RPGRIP1L: variants seen among roughly 807,000 people sequenced by gnomAD.
The protein encoded by RPGRIP1L is protein fantom.
RPGRIP1L carries 131 observed loss-of-function variants against 160.4 expected under a neutral mutation model. That is an observed-to-expected ratio of 0.82 (90% CI 0.71 to 0.94). RPGRIP1L has a LOEUF of 0.94. Ranked by LOEUF, RPGRIP1L falls within the 40% of genes least tolerant of loss-of-function variation. The pLI, the probability that RPGRIP1L is intolerant of heterozygous loss-of-function variation, is 0.00. For missense variants in RPGRIP1L, 1,522 were observed against 1,535.8 expected, an observed-to-expected ratio of 0.99 and a Z score of 0.15; for synonymous variants, 510 against 515.8, an observed-to-expected ratio of 0.99 and a Z score of 0.15.
chr16:53,668,878 T>TA (rs1393258023), intron 9 of RPGRIP1L, among the ~76,000 whole-genome samples: 1 of 152,206 alleles, frequency 6.6e-6, no homozygotes, highest in Non-Finnish European at 1.5e-5. Flanking sequence ...AAAATGCTCA[T>TA]ACTAAAAAGT....
At chr16:53,697,053 G>A (rs1426614048) in intron 2 of RPGRIP1L, among the ~76,000 whole-genome samples, 1 of 152,100 alleles carries the variant, frequency 6.6e-6, no homozygotes, top group African/African-American at 2.4e-5. Flanking sequence ...ACTTAGCTGG[G>A]CATGGTGGCG....
At position 53,641,047 on chromosome 16, in the gene RPGRIP1L, G is replaced by T; in HGVS notation, c.2944C>A (p.Pro982Thr). 4 of 1,611,254 alleles carry T rather than the reference G, an allele frequency of 2.5e-6. No individual in the cohort carries two copies. The highest frequency in any genetic ancestry group is 3.4e-6 in the Non-Finnish European group (4 of 1,177,582). Reference protein sequence around the residue: ...DKKVSFVDIMPHQSDETSPPP... With the variant: ...DKKVSFVDIMTHQSDETSPPP... ...CTACTACTTACATCACTCTGATGTGGCATGATATCCACGAAAGATACCTTC... is the reference window on the plus strand; with the variant it reads ...CTACTACTTACATCACTCTGATGTGTCATGATATCCACGAAAGATACCTTC... Residue 982 changes from proline (P) to threonine (T), a missense_variant, in exon 19 of 27, where the codon CCA becomes ACA. By Grantham distance (38) the Pro-to-Thr change is conservative (BLOSUM62 -1). Coordinates refer to ENST00000647211, the MANE Select transcript of RPGRIP1L (RefSeq NM_015272.5).
chr16:53,703,637 G>C (rs1006405763), intron 1 of RPGRIP1L, 166 bp downstream of exon 1: 1 of 197,148 alleles, frequency 5.1e-6, no homozygotes, highest in African/African-American at 2.3e-5. Context: ...TGAGGATGTG[G>C]AGGTGTCTTG....
chr16:53,689,850 C>T (rs1383835454), intron 4 of RPGRIP1L, among the ~76,000 whole-genome samples: 1 of 152,154 alleles, frequency 6.6e-6, no homozygotes, highest in Admixed American at 6.5e-5. Flanking sequence ...GAACTCTATC[C>T]TGAACAGTGA....
chr16:53,702,555 G>C (rs1971523444), intron 1 of RPGRIP1L, among the ~76,000 whole-genome samples: 1 of 152,070 alleles, frequency 6.6e-6, no homozygotes, highest in South Asian at 2.1e-4. Context: ...CCCTTGTCTT[G>C]CTCAAGGCCT....
At chr16:53,646,155 G>T (rs1966532507) in intron 16 of RPGRIP1L, 152 bp from the exon 17 acceptor site, 1 of 713,248 alleles carries the variant, frequency 1.4e-6, no homozygotes. Context: ...TATTCTAATG[G>T]AAAATCAATA....
chr16:53,658,334 A>T (rs1423616544), intron 12 of RPGRIP1L, 80 bp downstream of exon 12: 1 of 993,054 alleles, frequency 1.0e-6, no homozygotes, highest in African/African-American at 1.6e-5. Flanking sequence ...TCCAAATGTA[A>T]GGGTTACAGA....
At chr16:53,679,657 T>C in intron 6 of RPGRIP1L, among the ~76,000 whole-genome samples, 1 of 152,200 alleles carries the variant, frequency 6.6e-6, no homozygotes, top group East Asian at 1.9e-4. Flanking sequence ...CTAATGGTTT[T>C]GTGTTGTTTT....
At chr16:53,692,684 G>A (rs892095115) in intron 3 of RPGRIP1L, among the ~76,000 whole-genome samples, 3 of 152,208 alleles carry the variant, frequency 2.0e-5, no homozygotes, top group Non-Finnish European at 2.9e-5. Context: ...AATGCTGTAC[G>A]CACTTAAGTG....
At chr16:53,658,219 T>G (rs546785154) in intron 12 of RPGRIP1L, among the ~76,000 whole-genome samples, 195 bp downstream of exon 12, 1 of 152,286 alleles carries the variant, frequency 6.6e-6, no homozygotes, top group South Asian at 2.1e-4. Flanking sequence ...ATGCTATAAC[T>G]AAATGTCACC....
intron 21 of RPGRIP1L, among the ~76,000 whole-genome samples, chr16:53,636,941 G>GACACACAC (rs34373919): frequency 2.8e-4 from 40 of 142,224 alleles, no homozygotes; most frequent in Admixed American, 1.1e-3. Flanking sequence ...TGCAATATTT[G>GACACACAC]ACACACACAC....
intron 13 of RPGRIP1L, 27 bp from the exon 14 acceptor site, chr16:53,656,616 A>T: frequency 7.1e-7 from 1 of 1,416,110 alleles, no homozygotes; most frequent in Non-Finnish European, 1.0e-6. Flanking sequence ...AATAAGTTTT[A>T]ATACTTATGA....
In RPGRIP1L at chr16:53,656,547, G is replaced by T; in HGVS notation, c.1624C>A (p.Gln542Lys). 1 of 1,613,944 alleles carries T rather than the reference G, an allele frequency of 6.2e-7. No individual in the cohort carries two copies. The highest frequency in any genetic ancestry group is 8.5e-7 in the Non-Finnish European group (1 of 1,179,918). Residue 542 changes from glutamine to lysine, a missense_variant, in exon 14 of 27, where the codon CAA becomes AAA. Gln to Lys is a moderately conservative substitution (Grantham distance 53, BLOSUM62 1). Transcript: ENST00000647211. Reference sequence around the variant, plus strand: ...TGTTCCACTTTGAGTTCATAATCTTGCTGCAAATTTTCCATCTTACGGGTC... The same window carrying T: ...TGTTCCACTTTGAGTTCATAATCTTTCTGCAAATTTTCCATCTTACGGGTC... ...AVTRKMENLQ[Q>K]DYELKVEQYV...
At chr16:53,615,691 C>T (rs576715835) in intron 24 of RPGRIP1L, among the ~76,000 whole-genome samples, 2 of 151,864 alleles carry the variant, frequency 1.3e-5, no homozygotes, top group South Asian at 4.2e-4. Flanking sequence ...TCAGGCTGGT[C>T]TCAAACTCAT....
intron 22 of RPGRIP1L, among the ~76,000 whole-genome samples, chr16:53,629,305 A>G (rs1226047363): frequency 6.6e-6 from 1 of 152,100 alleles, no homozygotes. Context: ...ACTTTTTTCT[A>G]AAGCTATGGT....
chr16:53,644,544 CTGT>C (rs1966428262), intron 17 of RPGRIP1L, among the ~76,000 whole-genome samples: 1 of 152,150 alleles, frequency 6.6e-6, no homozygotes, highest in East Asian at 1.9e-4. Flanking sequence ...ATCAGTAGAA[CTGT>C]TGAAAGCCAA....
intron 17 of RPGRIP1L, among the ~76,000 whole-genome samples, chr16:53,644,119 A>G (rs1039628919): frequency 6.6e-6 from 1 of 152,158 alleles, no homozygotes; most frequent in Non-Finnish European, 1.5e-5. Context: ...ACTTGAGCCT[A>G]GGAGTTGAAG....
chr16:53,601,251 A>G lies in RPGRIP1L; in HGVS notation c.*825T>C, dbSNP rs1460488871. The G allele has an allele frequency of 6.6e-6, 1 of 152,542 alleles. No homozygotes were observed. Among genetic ancestry groups the G allele is most frequent in the Non-Finnish European group, 1.5e-5 (1 of 68,042 alleles). The allele number at this position is 152,542 out of a possible 1,614,324, so 9.4% of individuals were successfully genotyped here. On this transcript the variant is annotated 3_prime_UTR_variant, in exon 27 of 27. Transcript: ENST00000647211. Reference sequence around the variant, plus strand: ...ATACTCCTTTCACGTCTAACTAAGCATATCAGAATTTGAGTTATACTTTTC... The same window carrying G: ...ATACTCCTTTCACGTCTAACTAAGCGTATCAGAATTTGAGTTATACTTTTC...
intron 2 of RPGRIP1L, among the ~76,000 whole-genome samples, chr16:53,698,245 G>A (rs1290354911): frequency 6.7e-6 from 1 of 150,338 alleles, no homozygotes; most frequent in Non-Finnish European, 1.5e-5. Flanking sequence ...TCTCCGCCCG[G>A]CAGCCGACCC....
Sources: gnomAD v4.1 joint callset for allele counts (sites outside exome capture counted in the v4.1 genomes callset) on GRCh38, gnomAD v4.1.1 for gene constraint, MANE v1.5 for transcripts, NCBI Gene and HGNC (gene_info 2026-07-23, HGNC 2026-07-21) for gene names.